The following GATA3 variants were observed in gnomAD, a reference collection of about 807,000 sequenced individuals.
The protein encoded by GATA3 is trans-acting T-cell-specific transcription factor GATA-3.
A neutral mutation model predicts 36.0 loss-of-function variants in GATA3; 6 were observed. The ratio of observed to expected loss-of-function variants is 0.17; its 90% CI spans 0.09 to 0.33. GATA3 has a LOEUF of 0.33. Among genes scored for constraint, GATA3 ranks in the 10% least tolerant of loss-of-function variants. GATA3 has a pLI of 1.00. For synonymous variants in GATA3, 326 were observed against 273.0 expected, an observed-to-expected ratio of 1.19 and a Z score of -1.92; for missense variants, 514 against 610.1, an observed-to-expected ratio of 0.84 and a Z score of 1.66.
intron 1 of GATA3, among the ~76,000 whole-genome samples, chr10:8,046,993 C>A (rs1164252325): frequency 6.6e-6 from 1 of 152,112 alleles, no homozygotes; most frequent in Non-Finnish European, 1.5e-5. Context: ...TCTCTGCCAG[C>A]CCCAGCACTG....
At chr10:8,057,907 G>A (rs1280948236) in intron 2 of GATA3, among the ~76,000 whole-genome samples, 1 of 152,182 alleles carries the variant, frequency 6.6e-6, no homozygotes, top group African/African-American at 2.4e-5. Flanking sequence ...AGGGAACTCA[G>A]GGCCATTGAA....
chr10:8,068,489 C>A (rs572907785), intron 4 of GATA3, among the ~76,000 whole-genome samples: 1 of 152,162 alleles, frequency 6.6e-6, no homozygotes, highest in African/African-American at 2.4e-5. Flanking sequence ...TGGTGGCTCA[C>A]GCCTGTAATA....
intron 5 of GATA3, among the ~76,000 whole-genome samples, chr10:8,070,480 G>A (rs1054647910): frequency 6.6e-6 from 1 of 151,678 alleles, no homozygotes; most frequent in Non-Finnish European, 1.5e-5. Flanking sequence ...GGTTATTTTG[G>A]TCTTTCTCTG....
intron 3 of GATA3, 139 bp from the exon 4 acceptor site, chr10:8,063,854 G>A: frequency 8.9e-7 from 1 of 1,119,378 alleles, no homozygotes; most frequent in South Asian, 1.3e-5. Context: ...GGAAAGAGGT[G>A]GGGGTGGACA....
At position 8,047,734 on chromosome 10, in the gene GATA3, C is replaced by T. The variant is rs183797537; in HGVS notation, c.-370+2219C>T. On this transcript the variant is annotated intron_variant, in intron 1 of 1. Transcript: ENST00000643001. ...AAGAACAGGCACATGCGTCTGGTTG[C>T]TGTTTTGTTTTATATAACAAATTGC... Among the ~76,000 whole-genome samples, 299 of 152,288 alleles carry T rather than the reference C, an allele frequency of 2.0e-3. 2 individuals carry two copies. The highest frequency in any genetic ancestry group is 6.9e-3 in the African/African-American group (288 of 41,550).
chr10:8,047,578 T>C (rs1186105718), intron 1 of GATA3, among the ~76,000 whole-genome samples: 1 of 152,210 alleles, frequency 6.6e-6, no homozygotes, highest in Non-Finnish European at 1.5e-5. Context: ...ATCCCCCTTT[T>C]GCTTTGGCTG....
At chr10:8,067,776 C>T (rs574355989) in intron 4 of GATA3, among the ~76,000 whole-genome samples, 178 of 152,314 alleles carry the variant, frequency 1.2e-3, no homozygotes, top group Non-Finnish European at 2.1e-3. Context: ...CGAGATCGCG[C>T]CACTGCACTC....
At chr10:8,067,377 C>G (rs1025224314) in intron 4 of GATA3, among the ~76,000 whole-genome samples, 1 of 152,158 alleles carries the variant, frequency 6.6e-6, no homozygotes, top group South Asian at 2.1e-4. Flanking sequence ...TTACATCCCA[C>G]AGAAGCATAT....
rs749708566 is a variant in GATA3, at chr10:8,058,791, C to A, written c.728C>A (p.Ser243Tyr). Residue 243 changes from serine to tyrosine, a missense_variant, in exon 3 of 6, where the codon TCC (serine) becomes TAC (tyrosine). Coordinates refer to ENST00000379328, the MANE Select transcript of GATA3 (RefSeq NM_001002295.2). ...LFPPSSLLGG[S>Y]PTGFGCKSRP... The stretch of plus-strand genomic sequence containing the variant: ...CCCCCCAGCAGCCTGCTGGGCGGCT[C>A]CCCCACCGGCTTCGGATGCAAGTCC... 6.2e-7 allele frequency: 1 copy of A among 1,608,556 alleles called. No homozygotes were observed. Among genetic ancestry groups the A allele is most frequent in the Non-Finnish European group, 8.5e-7 (1 of 1,179,746 alleles).
At chr10:8,049,705 G>GGCCA (rs1304065728), upstream of GATA3, among the ~76,000 whole-genome samples, 1 of 152,178 alleles carries the variant, frequency 6.6e-6, no homozygotes, top group Non-Finnish European at 1.5e-5. Context: ...TGCGCGGCCA[G>GGCCA]GGTAACCTAA....
In GATA3 at chr10:8,055,740, C is replaced by G; in HGVS notation, c.85C>G (p.Pro29Ala). 1.9e-6 allele frequency: 3 copies of G among 1,576,494 alleles called. No homozygotes were observed. The highest frequency in any genetic ancestry group is 2.6e-6 in the Non-Finnish European group (3 of 1,161,238). Residue 29 changes from proline (P) to alanine (A), a missense_variant, in exon 2 of 6, where the codon CCG becomes GCG. By Grantham distance (27) the Pro-to-Ala change is conservative. Around this residue, in one of 3 missense-constraint regions of GATA3, gnomAD observed 381 missense variants for 354.3 expected, o/e 1.08. Transcript: ENST00000379328. The surrounding 1 kb of genome is among the most constrained non-coding windows in gnomAD (Gnocchi z 5.4). ...CGGGCAGCACCCGGACACGCACCAC[C>G]CGGGCCTCAGCCACTCCTACATGGA... is the stretch of plus-strand genomic sequence containing the variant. Reference protein sequence around the residue: ...LNGQHPDTHHPGLSHSYMDAA... With the variant: ...LNGQHPDTHHAGLSHSYMDAA...
chr10:8,055,373 C>A lies in GATA3; in HGVS notation c.-283C>A. ...TCGCAGAATTGCAGAGTCGTCGCCCCTTTTTACAACCTGGTCCCGTTTTAT... is the reference window on the plus strand; with the variant it reads ...TCGCAGAATTGCAGAGTCGTCGCCCATTTTTACAACCTGGTCCCGTTTTAT... On this transcript the variant is annotated 5_prime_UTR_variant, in exon 2 of 6. Transcript: ENST00000379328. This position sits in a 1 kb window ranked among gnomAD's most constrained non-coding sequence, Gnocchi z 5.4. The A allele has an allele frequency of 1.9e-6, 1 of 530,480 alleles. No homozygotes were observed. 32.9% of individuals were successfully genotyped at this position (530,480 alleles called of 1,614,324 possible).
chr10:8,053,022 A>G (rs1832540186), upstream of GATA3: 1 of 152,146 alleles, frequency 6.6e-6, no homozygotes, highest in African/African-American at 2.4e-5. This position sits in a 1 kb window ranked among gnomAD's most constrained non-coding sequence, Gnocchi z 5.1. Flanking sequence ...GAAGATCCAA[A>G]CGCGAGACCA....
intron 4 of GATA3, among the ~76,000 whole-genome samples, 173 bp downstream of exon 4, chr10:8,064,311 C>CTTTTT (rs59943653): frequency 1.9e-5 from 1 of 51,424 alleles, no homozygotes; most frequent in African/African-American, 7.5e-5. Flanking sequence ...TCTTCTTCTT[C>CTTTTT]TTTTTTTTTT....
chr10:8,055,796 G>T lies in GATA3; in HGVS notation c.141G>T (p.Val47=). Residue 47 remains valine, a synonymous_variant, in exon 2 of 6, where the codon GTG becomes GTT. Coordinates refer to ENST00000379328, the MANE Select transcript of GATA3 (RefSeq NM_001002295.2). The surrounding 1 kb of genome is among the most constrained non-coding windows in gnomAD (Gnocchi z 5.4). The part of the protein sequence containing the change: ...DAAQYPLPEE[V]DVLFNIDGQG... ...CGCAGTACCCGCTGCCGGAGGAGGT[G>T]GATGTGCTTTTTAACATCGACGGTC... 1 of 1,593,584 alleles carries T rather than the reference G, an allele frequency of 6.3e-7. No homozygotes were observed. The highest frequency in any genetic ancestry group is 8.5e-7 in the Non-Finnish European group (1 of 1,170,264).
intron 3 of GATA3, among the ~76,000 whole-genome samples, chr10:8,060,789 C>T (rs1163836900): frequency 6.6e-6 from 1 of 152,134 alleles, no homozygotes; most frequent in Non-Finnish European, 1.5e-5. Context: ...AAGAGAGGGC[C>T]GTGGTTTCCC....
chr10:8,063,467 T>C (rs1243266099), intron 3 of GATA3, among the ~76,000 whole-genome samples: 3 of 152,190 alleles, frequency 2.0e-5, no homozygotes, highest in African/African-American at 7.2e-5. Flanking sequence ...ATGCATCTAT[T>C]TATTATCTGT....
At position 8,069,456 on chromosome 10, in the gene GATA3, TCTCTCCCCA is replaced by T. The variant is rs1832897005; in HGVS notation, c.925-11_925-3del. ...CATTTGTTTTGATTTCACCCTCTCCTCTCTCCCCACTCTCAGTCTGCAGCCAGGAGAGCA... is the reference window on the plus strand; with the variant it reads ...CATTTGTTTTGATTTCACCCTCTCCTCTCTCAGTCTGCAGCCAGGAGAGCA... On this transcript the variant is annotated splice_polypyrimidine_tract_variant and splice_region_variant and intron_variant, in intron 4 of 5. Coordinates refer to ENST00000379328, the MANE Select transcript of GATA3 (RefSeq NM_001002295.2). The T allele has an allele frequency of 6.2e-7, 1 of 1,612,784 alleles. No homozygotes were observed. The highest frequency in any genetic ancestry group is 8.5e-7 in the Non-Finnish European group (1 of 1,179,072).
chr10:8,064,308 C>CTTTTTT (rs1315616378), intron 4 of GATA3, among the ~76,000 whole-genome samples, 170 bp downstream of exon 4: 20 of 114,136 alleles, frequency 1.8e-4, no homozygotes, highest in East Asian at 2.5e-4. Context: ...TTTTCTTCTT[C>CTTTTTT]TTCTTTTTTT....
Sources: allele counts gnomAD v4.1 joint callset (sites outside exome capture counted in the v4.1 genomes callset), GRCh38; gene constraint gnomAD v4.1.1; regional missense constraint gnomAD v4.1.1; non-coding constraint Gnocchi (gnomAD v3.1); transcripts MANE v1.5; gene names NCBI Gene and HGNC (gene_info 2026-07-23, HGNC 2026-07-21).